RASSF3: variants seen among roughly 807,000 people sequenced by gnomAD.
RASSF3 encodes ras association domain-containing protein 3.
Under a neutral mutation model 19.9 loss-of-function variants are expected in RASSF3, and 19 were observed. The ratio of observed to expected loss-of-function variants is 0.96; its 90% confidence interval spans 0.67 to 1.40. The LOEUF is 1.40. Among genes scored for constraint, RASSF3 ranks in the 40% most tolerant of loss-of-function variants. The pLI is 0.00. For missense variants in RASSF3, 306 were observed against 289.8 expected (o/e 1.06, Z -0.41); for synonymous variants, 110 against 104.2 (o/e 1.06, Z -0.34).
At chr12:64,665,100 G>A (rs866286487) in intron 1 of RASSF3, among the ~76,000 whole-genome samples, 2 of 152,126 alleles carry the variant, frequency 1.3e-5, no homozygotes, top group African/African-American at 2.4e-5. Flanking sequence ...GTATTTTGTG[G>A]GCTAAATCAT....
At chr12:64,647,504 G>A (rs1258959978) in intron 1 of RASSF3, among the ~76,000 whole-genome samples, 2 of 150,702 alleles carry the variant, frequency 1.3e-5, no homozygotes, top group East Asian at 1.9e-4. Flanking sequence ...TCCGCCTCCC[G>A]ATTTCAAGTG....
intron 1 of RASSF3, among the ~76,000 whole-genome samples, chr12:64,516,535 C>G (rs1868368932): frequency 6.8e-6 from 1 of 147,762 alleles, no homozygotes; most frequent in Non-Finnish European, 1.5e-5. Flanking sequence ...AGGAGAATGG[C>G]GTGAACCCGG....
rs1252026468 is a variant in RASSF3 at position 64,611,093 on chromosome 12, C to G, written c.111+350C>G. On this transcript the variant is annotated intron_variant, in intron 1 of 4. Coordinates refer to ENST00000542104, the MANE Select transcript of RASSF3 (RefSeq NM_178169.4). The stretch of plus-strand genomic sequence containing the variant: ...CCCCCAGGTTTCCCCTTCGCGTCCC[C>G]GCTGGGTCGACGGTCGGGTTCGCGC... 4.6e-5 allele frequency among the ~76,000 whole-genome samples: 7 copies of G among 152,178 alleles called. 1 individual carries two copies. Among genetic ancestry groups the G allele is most frequent in the Non-Finnish European group, 8.8e-5 (6 of 68,026 alleles).
At chr12:64,663,231 A>C (rs997791810) in intron 1 of RASSF3, among the ~76,000 whole-genome samples, 3 of 152,146 alleles carry the variant, frequency 2.0e-5, no homozygotes, top group Non-Finnish European at 4.4e-5. Flanking sequence ...CGGATGTGTT[A>C]CGTAACAAAG....
At chr12:64,619,481 G>A (rs1029849380) in intron 1 of RASSF3, among the ~76,000 whole-genome samples, 2 of 151,998 alleles carry the variant, frequency 1.3e-5, no homozygotes, top group African/African-American at 4.8e-5. Flanking sequence ...GACTGTAATT[G>A]CTAACTGCTG....
chr12:64,614,874 A>G (rs1007920684), intron 1 of RASSF3, among the ~76,000 whole-genome samples: 9 of 146,932 alleles, frequency 6.1e-5, no homozygotes, highest in Non-Finnish European at 9.0e-5. Flanking sequence ...TTTTTTTTGT[A>G]TTTTAGTCTA....
intron 1 of RASSF3, among the ~76,000 whole-genome samples, chr12:64,612,021 C>T (rs1438642926): frequency 2.6e-5 from 4 of 152,124 alleles, no homozygotes; most frequent in Admixed American, 1.3e-4. Flanking sequence ...GTTTCTAAGG[C>T]TTAAGGCCCC....
At chr12:64,573,819 C>T (rs867988572) in intron 2 of RASSF3, among the ~76,000 whole-genome samples, 5 of 152,126 alleles carry the variant, frequency 3.3e-5, no homozygotes, top group Non-Finnish European at 5.9e-5. Flanking sequence ...TCATTAGAAG[C>T]AAGTCACTAG....
chr12:64,656,762 A>T (rs571974994), intron 1 of RASSF3, among the ~76,000 whole-genome samples: 72 of 152,320 alleles, frequency 4.7e-4, no homozygotes, highest in Non-Finnish European at 2.5e-4. Flanking sequence ...GGATTTCCTG[A>T]TGTTGGTCCC....
rs749511371 is a variant in RASSF3 at position 64,688,359 on chromosome 12, C to T, written c.363C>T (p.Val121=). 3.5e-5 allele frequency: 57 copies of T among 1,614,030 alleles called. No homozygotes were observed. The highest frequency in any genetic ancestry group is 4.5e-5 in the Non-Finnish European group (53 of 1,180,032). Residue 121 remains valine (V), a synonymous_variant, in exon 3 of 5, where the codon GTC becomes GTT. Transcript: ENST00000542104. ...NTLHISSTNT[V]GEVIEALLKK... is the part of the protein sequence containing the mutation. ...TTCATATCAGCAGCACAAACACTGTCGGGGAAGTGATCGAGGCCCTGCTCA... is the reference window on the plus strand; with the variant it reads ...TTCATATCAGCAGCACAAACACTGTTGGGGAAGTGATCGAGGCCCTGCTCA...
At chr12:64,569,913 C>T (rs971361086) in intron 2 of RASSF3, among the ~76,000 whole-genome samples, 5 of 152,144 alleles carry the variant, frequency 3.3e-5, no homozygotes, top group East Asian at 1.9e-4. Flanking sequence ...TGCAGTGAGC[C>T]GAGGCCGTGC....
In RASSF3 at chr12:64,610,656, G is replaced by A. The variant is rs781231507; in HGVS notation, c.24G>A (p.Leu8=). The change falls in exon 1 of 5, where the codon CTG becomes CTA. Residue 8 remains leucine (L), a synonymous_variant. Coordinates refer to ENST00000542104, the MANE Select transcript of RASSF3 (RefSeq NM_178169.4). MSSGYSS[L]EEDAEDFFFT... ...GCATGAGCAGCGGCTACAGCAGCCTGGAGGAGGACGCCGAGGACTTCTTCT... is the reference window on the plus strand; with the variant it reads ...GCATGAGCAGCGGCTACAGCAGCCTAGAGGAGGACGCCGAGGACTTCTTCT... 4.4e-6 allele frequency: 7 copies of A among 1,588,134 alleles called. No individual in the cohort carries two copies. The highest frequency in any genetic ancestry group is 1.7e-4 in the Middle Eastern group (1 of 5,970).
intron 2 of RASSF3, among the ~76,000 whole-genome samples, chr12:64,570,130 T>C (rs1199268626): frequency 6.6e-6 from 1 of 152,196 alleles, no homozygotes; most frequent in Non-Finnish European, 1.5e-5. Context: ...TGACCTTGGC[T>C]CACTCAGACT....
intron 1 of RASSF3, among the ~76,000 whole-genome samples, chr12:64,655,438 G>A (rs12815802): frequency 0.17 from 26,376 of 152,052 alleles, 2,924 homozygotes; most frequent in South Asian, 0.31. Flanking sequence ...CTAAAGGAGA[G>A]CCCTCTCCTG....
intron 2 of RASSF3, among the ~76,000 whole-genome samples, chr12:64,552,943 G>C (rs1011152297): frequency 1.3e-5 from 2 of 152,108 alleles, no homozygotes; most frequent in African/African-American, 4.8e-5. Context: ...GGGCTCGGTG[G>C]CTCACACCTA....
rs35037944 is a variant in RASSF3, at chr12:64,622,216, A to ATT, written c.111+11489_111+11490dup. 2.3e-3 allele frequency among the ~76,000 whole-genome samples: 306 copies of ATT among 134,512 alleles called. 1 individual carries two copies. Among genetic ancestry groups the ATT allele is most frequent in the South Asian group, 5.2e-3 (22 of 4,200 alleles). The allele number at this position is 134,512 out of a possible 152,430, so 88.2% of individuals were successfully genotyped here. A position where few individuals can be genotyped will look rare whatever the true frequency, so the allele number is the denominator to read the frequency against. ...CAGGCATGCACCACCATGTCCAGCT[A>ATT]TTTTTTTTTTTTTTTTTGTATTTTT... is the stretch of plus-strand genomic sequence containing the variant. On this transcript the variant is annotated intron_variant, in intron 1 of 4. Transcript: ENST00000542104.
chr12:64,686,627 G>A (rs1039619479), intron 2 of RASSF3, among the ~76,000 whole-genome samples: 3 of 151,630 alleles, frequency 2.0e-5, no homozygotes, highest in Non-Finnish European at 4.4e-5. Flanking sequence ...AAGAGTTCAA[G>A]GCCAGCCTAG....
At chr12:64,514,421 G>C (rs770884966) in intron 1 of RASSF3, among the ~76,000 whole-genome samples, 2 of 151,978 alleles carry the variant, frequency 1.3e-5, no homozygotes, top group South Asian at 4.1e-4. Context: ...TCTTGACCTC[G>C]TGATCTGTCC....
At chr12:64,633,329 G>T (rs527755232) in intron 1 of RASSF3, among the ~76,000 whole-genome samples, 2 of 152,152 alleles carry the variant, frequency 1.3e-5, no homozygotes, top group Non-Finnish European at 2.9e-5. Flanking sequence ...GGGGCCTAGT[G>T]GGAGGTATTG....
Sources: allele counts gnomAD v4.1 joint callset (sites outside exome capture counted in the v4.1 genomes callset), GRCh38; gene constraint gnomAD v4.1.1; transcripts MANE v1.5; gene names NCBI Gene and HGNC (gene_info 2026-07-23, HGNC 2026-07-21).